The following CENPC variants were observed in gnomAD, a reference collection of about 807,000 sequenced individuals.
CENPC encodes the protein centromere protein C, also known as CENP-C 1.
In CENPC, 63 loss-of-function variants were observed where a neutral mutation model predicts 112.1. That is an observed-to-expected ratio of 0.56 (90% CI 0.46 to 0.69). CENPC has a LOEUF of 0.69. CENPC is among the 30% of genes least tolerant of loss of function. CENPC has a pLI of 0.00. For synonymous variants in CENPC, 333 were observed against 367.6 expected (o/e 0.91, Z 1.08); for missense variants, 1,000 against 1,103.8 (o/e 0.91, Z 1.33).
chr4:67,508,852 C>T lies in CENPC; in HGVS notation c.1866G>A (p.Glu622=). ...CSLSEPLESD[E]ADLAKKKNLD... The stretch of plus-strand genomic sequence containing the variant: ...GATTTTTCTTCTTAGCCAAGTCTGC[C>T]TCATCACTTTCCAATGGCTCACTCA... Residue 622 remains glutamate (E), a synonymous_variant, in exon 10 of 19, where the codon GAG becomes GAA. Transcript: ENST00000273853. 1 of 1,613,528 alleles carries T rather than the reference C, an allele frequency of 6.2e-7. No individual in the cohort carries two copies.
rs1278539537 is a variant in CENPC, at chr4:67,468,830, T to C, written c.*3775A>G. ...CATACTAGAGAATACCACTTAGCAA[T>C]AAAAAAGAAATGAGCTATTGATAGG... is the stretch of plus-strand genomic sequence containing the variant. On this transcript the variant is annotated 3_prime_UTR_variant, in exon 19 of 19. Coordinates refer to ENST00000273853, the MANE Select transcript of CENPC (RefSeq NM_001812.4). The C allele has an allele frequency of 6.6e-6, 1 of 152,126 alleles. No individual in the cohort carries two copies. The highest frequency in any genetic ancestry group is 1.9e-4 in the East Asian group (1 of 5,196). 9.4% of individuals were successfully genotyped at this position (152,126 alleles called of 1,614,324 possible).
intron 14 of CENPC, 28 bp from the exon 15 acceptor site, chr4:67,493,025 T>C: frequency 6.7e-7 from 1 of 1,491,848 alleles, no homozygotes; most frequent in Non-Finnish European, 8.9e-7. Flanking sequence ...AAGTAAAATA[T>C]ACATGGGAAA....
In CENPC at chr4:67,514,059, A is replaced by G; in HGVS notation, c.1444+15T>C. 6.4e-7 allele frequency: 1 copy of G among 1,552,940 alleles called. No homozygotes were observed. Among genetic ancestry groups the G allele is most frequent in the South Asian group, 1.2e-5 (1 of 81,162 alleles). ...TAGAATAATGCTCATGGTTATATTT[A>G]ATATAAACACTTACCCACAGGTGGC... is the stretch of plus-strand genomic sequence containing the variant. On this transcript the variant is annotated intron_variant, in intron 8 of 18. Transcript: ENST00000273853.
Position 67,545,437 on chromosome 4 carries a change from G to T in CENPC, c.-82C>A. ...AGCTCCAGGAAGCCGAGCAAGAAAC[G>T]AATCGCCGGAATACCAGGCCGCGGC... is the stretch of plus-strand genomic sequence containing the variant. On this transcript the variant is annotated 5_prime_UTR_variant, in exon 1 of 19. Transcript: ENST00000273853. 1.5e-6 allele frequency: 2 copies of T among 1,362,688 alleles called. No individual in the cohort carries two copies. The highest frequency in any genetic ancestry group is 1.5e-5 in the South Asian group (1 of 68,232). 84.4% of individuals were successfully genotyped at this position (1,362,688 alleles called of 1,614,324 possible).
chr4:67,523,753 A>G (rs1726296179), intron 5 of CENPC, among the ~76,000 whole-genome samples: 1 of 152,324 alleles, frequency 6.6e-6, no homozygotes, highest in African/African-American at 2.4e-5. Flanking sequence ...CCTAGCACTC[A>G]GATCTTGGTT....
intron 7 of CENPC, among the ~76,000 whole-genome samples, chr4:67,515,235 G>A (rs1399304248): frequency 1.3e-5 from 2 of 150,018 alleles, no homozygotes; most frequent in Admixed American, 1.3e-4. Context: ...GGAGGCTGAG[G>A]CAGGTGGATC....
chr4:67,509,963 C>T (rs1320804041), intron 9 of CENPC, among the ~76,000 whole-genome samples: 1 of 152,104 alleles, frequency 6.6e-6, no homozygotes, highest in African/African-American at 2.4e-5. Context: ...TTGCTTATTT[C>T]ATAAACCACA....
rs1327568111 is a variant in CENPC, at chr4:67,513,685, T to C, written c.1444+389A>G. Reference sequence around the variant, plus strand: ...GCAGTGTATGGCATTCAACAACTGTTAGACACATGAGTGAATGATGGAAGA... The same window carrying C: ...GCAGTGTATGGCATTCAACAACTGTCAGACACATGAGTGAATGATGGAAGA... On this transcript the variant is annotated intron_variant, in intron 8 of 18. Coordinates refer to ENST00000273853, the MANE Select transcript of CENPC (RefSeq NM_001812.4). Among the ~76,000 whole-genome samples, 4 of 152,310 alleles carry C rather than the reference T, an allele frequency of 2.6e-5. No individual in the cohort carries two copies. The East Asian group carries it at 5.8e-4, about 22-fold the overall frequency.
At position 67,514,699 on chromosome 4, in the gene CENPC, T is replaced by C. The variant is rs942422880; in HGVS notation, c.831-12A>G. ...GCCTAACAATGGGACTGAAACAGGG[T>C]GATACTTTTAACAGTTCAAAAAAAT... On this transcript the variant is annotated splice_polypyrimidine_tract_variant and intron_variant, in intron 7 of 18. Coordinates refer to ENST00000273853, the MANE Select transcript of CENPC (RefSeq NM_001812.4). 1 of 1,592,898 alleles carries C rather than the reference T, an allele frequency of 6.3e-7. No individual in the cohort carries two copies. Among genetic ancestry groups the C allele is most frequent in the African/African-American group, 1.3e-5 (1 of 74,402 alleles).
At chr4:67,492,325 T>C in intron 15 of CENPC, 50 bp from the exon 16 acceptor site, 1 of 1,270,314 alleles carries the variant, frequency 7.9e-7, no homozygotes, top group Non-Finnish European at 1.1e-6. Context: ...AAAATTATTC[T>C]CAATCCCAAA....
chr4:67,545,458 G>T lies in CENPC; in HGVS notation c.-103C>A. The T allele has an allele frequency of 7.8e-7, 1 of 1,276,354 alleles. No homozygotes were observed. Among genetic ancestry groups the T allele is most frequent in the Non-Finnish European group, 1.0e-6 (1 of 958,390 alleles). The allele number at this position is 1,276,354 out of a possible 1,614,324, so 79.1% of individuals were successfully genotyped here. A position where few individuals can be genotyped will look rare whatever the true frequency, so the allele number is the denominator to read the frequency against. ...AAACGAATCGCCGGAATACCAGGCCGCGGCCAAGCAATAACCTTAAGTCTC... is the reference window on the plus strand; with the variant it reads ...AAACGAATCGCCGGAATACCAGGCCTCGGCCAAGCAATAACCTTAAGTCTC... On this transcript the variant is annotated 5_prime_UTR_variant, in exon 1 of 19. Transcript: ENST00000273853.
At position 67,471,549 on chromosome 4, in the gene CENPC, A is replaced by T. The variant is rs1404835237; in HGVS notation, c.*1056T>A. The T allele has an allele frequency of 6.6e-6, 1 of 152,144 alleles. No individual in the cohort carries two copies. The highest frequency in any genetic ancestry group is 1.5e-5 in the Non-Finnish European group (1 of 68,022). The allele number at this position is 152,144 out of a possible 1,614,324, so 9.4% of individuals were successfully genotyped here. On this transcript the variant is annotated 3_prime_UTR_variant, in exon 19 of 19. Coordinates refer to ENST00000273853, the MANE Select transcript of CENPC (RefSeq NM_001812.4). The stretch of plus-strand genomic sequence containing the variant: ...AAGAAATAAAAGTAAAAAAAAAATT[A>T]AAAATGACTCAATAAAAGAGAAATC...
chr4:67,542,275 C>T (rs1726909365), intron 2 of CENPC, among the ~76,000 whole-genome samples: 1 of 152,188 alleles, frequency 6.6e-6, no homozygotes, highest in Admixed American at 6.5e-5. Flanking sequence ...AACAAAGAGG[C>T]ATGGCTGTGT....
intron 12 of CENPC, among the ~76,000 whole-genome samples, chr4:67,498,344 T>G (rs1487227678): frequency 6.6e-6 from 1 of 152,228 alleles, no homozygotes; most frequent in Non-Finnish European, 1.5e-5. Context: ...TGATGACTGC[T>G]GACTGATCAG....
Position 67,514,146 on chromosome 4 carries a change from A to C in CENPC, c.1372T>G (p.Ser458Ala). Reference sequence around the variant, plus strand: ...TCATGCTCTTCCATATTTCTGTCTGAATTTCTTTGAAATTCGTCTTGGGTA... The same window carrying C: ...TCATGCTCTTCCATATTTCTGTCTGCATTTCTTTGAAATTCGTCTTGGGTA... ...HITQDEFQRN[S>A]DRNMEEHEEM... The change falls in exon 8 of 19, where the codon TCA (serine) becomes GCA (alanine). Residue 458 changes from serine to alanine, a missense_variant. Ser to Ala is a moderately conservative substitution (Grantham distance 99, BLOSUM62 1). Transcript: ENST00000273853. The C allele has an allele frequency of 6.2e-7, 1 of 1,610,882 alleles. No individual in the cohort carries two copies. The highest frequency in any genetic ancestry group is 8.5e-7 in the Non-Finnish European group (1 of 1,178,734).
At chr4:67,516,537 G>T (rs1007870451) in intron 7 of CENPC, among the ~76,000 whole-genome samples, 1 of 151,790 alleles carries the variant, frequency 6.6e-6, no homozygotes, top group Admixed American at 6.6e-5. Flanking sequence ...TCCTCTAATC[G>T]CAAACTCCTG....
At position 67,469,224 on chromosome 4, in the gene CENPC, C is replaced by T. The variant is rs1400780279; in HGVS notation, c.*3381G>A. The T allele has an allele frequency of 1.3e-5, 2 of 152,214 alleles. No homozygotes were observed. The highest frequency in any genetic ancestry group is 2.9e-5 in the Non-Finnish European group (2 of 68,052). The allele number at this position is 152,214 out of a possible 1,614,324, so 9.4% of individuals were successfully genotyped here. The stretch of plus-strand genomic sequence containing the variant: ...TTAGAAAAATCATTAAAAAAACTCT[C>T]ATGGGTGATGCCCACGATGGATTAA... On this transcript the variant is annotated 3_prime_UTR_variant, in exon 19 of 19. Transcript: ENST00000273853.
chr4:67,538,840 A>C (rs952951751), intron 4 of CENPC, among the ~76,000 whole-genome samples: 1 of 152,240 alleles, frequency 6.6e-6, no homozygotes, highest in African/African-American at 2.4e-5. Flanking sequence ...ATTTTGCCTC[A>C]GAAGGGAAGA....
At chr4:67,522,830 T>C (rs186188483) in intron 5 of CENPC, among the ~76,000 whole-genome samples, 1 of 152,028 alleles carries the variant, frequency 6.6e-6, no homozygotes, top group East Asian at 1.9e-4. Flanking sequence ...TGAAACCCCA[T>C]CTCTACTAAA....
Sources: gnomAD v4.1 joint callset for allele counts (sites outside exome capture counted in the v4.1 genomes callset) on GRCh38, gnomAD v4.1.1 for gene constraint, MANE v1.5 for transcripts, NCBI Gene and HGNC (gene_info 2026-07-23, HGNC 2026-07-21) for gene names.